CELF1: variants seen among roughly 807,000 people sequenced by gnomAD.
CELF1 encodes 50 kDa nuclear polyadenylated RNA-binding protein.
CELF1 carries 10 observed loss-of-function variants against 61.8 expected under a neutral mutation model. The ratio of observed to expected loss-of-function variants is 0.16; its 90% CI spans 0.10 to 0.27. CELF1 has a LOEUF of 0.27. CELF1 is among the 10% of genes least tolerant of loss of function. CELF1 has a pLI of 1.00. For synonymous variants in CELF1, 236 were observed against 225.1 expected, an observed-to-expected ratio of 1.05 and a Z score of -0.43; for missense variants, 380 against 639.1, an observed-to-expected ratio of 0.59 and a Z score of 4.37.
intron 1 of CELF1, among the ~76,000 whole-genome samples, chr11:47,529,976 A>G (rs2153686926): frequency 6.6e-6 from 1 of 152,316 alleles, no homozygotes; most frequent in Admixed American, 6.5e-5. Context: ...CTCAGTTTGT[A>G]AAGAGTATAT....
upstream of CELF1, chr11:47,553,258 T>A (rs1448138923): frequency 2.6e-6 from 1 of 377,950 alleles, no homozygotes; most frequent in African/African-American, 2.1e-5. Flanking sequence ...GAGCGCGGCG[T>A]AGGGGCGGGC....
At chr11:47,531,063 T>C (rs996434243) in intron 1 of CELF1, among the ~76,000 whole-genome samples, 7 of 150,400 alleles carry the variant, frequency 4.7e-5, no homozygotes, top group East Asian at 2.0e-4. Flanking sequence ...CCTGGCCAAT[T>C]TGGCGAAACC....
intron 13 of CELF1, 61 bp from the exon 14 acceptor site, chr11:47,473,292 A>G (rs1172842360): frequency 4.7e-6 from 7 of 1,490,826 alleles, no homozygotes; most frequent in Non-Finnish European, 6.4e-6. Context: ...GCCCTGCACC[A>G]GTGATCTTTC....
intron 13 of CELF1, among the ~76,000 whole-genome samples, chr11:47,475,125 C>T (rs529625265): frequency 3.3e-5 from 5 of 151,360 alleles, no homozygotes; most frequent in Admixed American, 6.5e-5. Flanking sequence ...CCCAAGAGGG[C>T]ACACAGAGGT....
intron 1 of CELF1, among the ~76,000 whole-genome samples, chr11:47,544,513 C>T (rs1311821386): frequency 6.6e-6 from 1 of 152,170 alleles, no homozygotes; most frequent in Non-Finnish European, 1.5e-5. Context: ...GTTTATAAAG[C>T]CCATTCAAGT....
At chr11:47,497,825 G>A (rs943242130) in intron 3 of CELF1, among the ~76,000 whole-genome samples, 1 of 152,144 alleles carries the variant, frequency 6.6e-6, no homozygotes, top group African/African-American at 2.4e-5. Context: ...GATTTAATGG[G>A]ATATTGAATG....
rs1330603565 is a variant in CELF1, at chr11:47,469,356, GC to G, written c.*2873del. 6.6e-6 allele frequency: 1 copy of G among 152,226 alleles called. No homozygotes were observed. Among genetic ancestry groups the G allele is most frequent in the Non-Finnish European group, 1.5e-5 (1 of 68,052 alleles). The allele number at this position is 152,226 out of a possible 1,614,324, so 9.4% of individuals were successfully genotyped here. ...ATCCAAGCTCTTAGCTTCCATCCAG[GC>G]CCTGGCCACTCAAGGGGAACCCAGG... On this transcript the variant is annotated 3_prime_UTR_variant, in exon 15 of 15. Coordinates refer to ENST00000687097, the MANE Select transcript of CELF1 (RefSeq NM_001376376.1).
intron 1 of CELF1, among the ~76,000 whole-genome samples, chr11:47,534,327 G>A (rs549282510): frequency 8.6e-5 from 13 of 151,548 alleles, no homozygotes; most frequent in Middle Eastern, 3.4e-3. Flanking sequence ...ACGGCGCCTG[G>A]CCATATTTAG....
intron 1 of CELF1, among the ~76,000 whole-genome samples, chr11:47,548,256 G>C (rs1345981895): frequency 6.6e-6 from 1 of 152,080 alleles, no homozygotes; most frequent in African/African-American, 2.4e-5. Context: ...CCAAGATCGA[G>C]TCACTGCACT....
At chr11:47,565,461 C>G (rs937741582) in exon 1 of CELF1, 1 of 601,098 alleles carries the variant, frequency 1.7e-6, no homozygotes, top group Non-Finnish European at 2.3e-6. Flanking sequence ...CTCCAGAGTC[C>G]CGCCAGTCCC....
intron 9 of CELF1, among the ~76,000 whole-genome samples, chr11:47,481,102 CTTTTTTTTT>C (rs1187959061): frequency 1.5e-3 from 110 of 71,420 alleles, no homozygotes; most frequent in African/African-American, 5.6e-3. Context: ...TTTTCTTCTT[CTTTTTTTTT>C]TTTTTTTTTT....
chr11:47,565,469 C>A (rs1001220785), exon 1 of CELF1: 2 of 634,322 alleles, frequency 3.2e-6, no homozygotes, highest in South Asian at 8.1e-5. Flanking sequence ...TCCCGCCAGT[C>A]CCCCAGAGTC....
intron 3 of CELF1, among the ~76,000 whole-genome samples, chr11:47,498,494 T>C (rs2093476636): frequency 6.6e-6 from 1 of 152,210 alleles, no homozygotes; most frequent in Admixed American, 6.5e-5. Flanking sequence ...TCCACACCTG[T>C]TACATCTAAT....
chr11:47,552,579 T>C (rs376410689), intron 1 of CELF1, among the ~76,000 whole-genome samples: 24 of 152,220 alleles, frequency 1.6e-4, no homozygotes, highest in African/African-American at 5.8e-4. Flanking sequence ...TAAGAACACG[T>C]GAGACGACAG....
intron 1 of CELF1, among the ~76,000 whole-genome samples, chr11:47,533,069 G>A (rs1033351700): frequency 1.3e-5 from 2 of 151,824 alleles, no homozygotes; most frequent in Non-Finnish European, 2.9e-5. Flanking sequence ...GGATCCAGAA[G>A]GCTTTTTTTT....
intron 1 of CELF1, among the ~76,000 whole-genome samples, chr11:47,504,310 GCA>G (rs748729319): frequency 4.6e-5 from 7 of 151,716 alleles, no homozygotes; most frequent in African/African-American, 7.3e-5. Flanking sequence ...TTCTGGCTGG[GCA>G]CAGTGGGAAA....
chr11:47,547,313 T>C (rs567931586), intron 1 of CELF1, among the ~76,000 whole-genome samples: 1 of 152,044 alleles, frequency 6.6e-6, no homozygotes, highest in South Asian at 2.1e-4. Context: ...TTTATAGAAC[T>C]CCAAGAGAGG....
chr11:47,532,206 T>C (rs1480953765), intron 1 of CELF1, among the ~76,000 whole-genome samples: 1 of 152,162 alleles, frequency 6.6e-6, no homozygotes, highest in African/African-American at 2.4e-5. Flanking sequence ...AATTTTTGTA[T>C]TGTTAGTAGA....
chr11:47,526,181 T>C (rs1017575405), intron 1 of CELF1, among the ~76,000 whole-genome samples: 2 of 151,972 alleles, frequency 1.3e-5, no homozygotes, highest in Non-Finnish European at 2.9e-5. Flanking sequence ...AATACAAAAT[T>C]AGCCAGGTGT....
Sources: allele counts gnomAD v4.1 joint callset (sites outside exome capture counted in the v4.1 genomes callset), GRCh38; gene constraint gnomAD v4.1.1; transcripts MANE v1.5; gene names NCBI Gene and HGNC (gene_info 2026-07-23, HGNC 2026-07-21).